The following RGS7 variants were observed in gnomAD, a reference collection of about 807,000 sequenced individuals.
RGS7 encodes the protein regulator of G protein signaling 7, also known as regulator of G-protein signaling 7.
Under a neutral mutation model 81.1 loss-of-function variants are expected in RGS7, and 27 were observed. The ratio of observed to expected loss-of-function variants is 0.33; its 90% CI spans 0.25 to 0.46. The LOEUF (loss-of-function observed/expected upper bound fraction) is 0.46, where lower values mean the gene tolerates loss of function less well. Among genes scored for constraint, RGS7 ranks in the 20% least tolerant of loss-of-function variants. RGS7 has a pLI of 1.00. For synonymous variants in RGS7, 208 were observed against 207.7 expected (o/e 1.00, Z -0.01); for missense variants, 396 against 607.4 (o/e 0.65, Z 3.66).
intron 3 of RGS7, among the ~76,000 whole-genome samples, chr1:241,057,821 C>T (rs940797468): frequency 2.6e-5 from 4 of 152,110 alleles, no homozygotes; most frequent in Non-Finnish European, 5.9e-5. Flanking sequence ...GGGATCACAC[C>T]GCTGCACTCC....
chr1:240,869,979 C>G, intron 7 of RGS7, 76 bp downstream of exon 7: 1 of 1,165,696 alleles, frequency 8.6e-7, no homozygotes, highest in Non-Finnish European at 1.3e-6. Flanking sequence ...GAGTTAACAT[C>G]CTGCCCAGAA....
intron 2 of RGS7, among the ~76,000 whole-genome samples, chr1:241,172,505 A>G (rs2103264686): frequency 6.6e-6 from 1 of 152,282 alleles, no homozygotes; most frequent in South Asian, 2.1e-4. Context: ...CTTTTTTTTA[A>G]ACTCACAGAC....
intron 2 of RGS7, among the ~76,000 whole-genome samples, chr1:241,254,134 G>A (rs1024938244): frequency 1.3e-4 from 20 of 151,158 alleles, no homozygotes; most frequent in South Asian, 8.4e-4. Context: ...CGGGAGGTGG[G>A]GCTTGCAGTG....
intron 6 of RGS7, among the ~76,000 whole-genome samples, chr1:240,872,576 G>A (rs142644403): frequency 6.6e-6 from 1 of 152,334 alleles, no homozygotes; most frequent in East Asian, 1.9e-4. Flanking sequence ...TGACCGGATA[G>A]GCCCAGACCT....
At chr1:241,243,377 G>A (rs932998474) in intron 2 of RGS7, among the ~76,000 whole-genome samples, 4 of 152,192 alleles carry the variant, frequency 2.6e-5, no homozygotes, top group Non-Finnish European at 4.4e-5. Flanking sequence ...AAAGTGATAT[G>A]ATTTGAATTC....
rs181006854 is a variant in RGS7 at position 241,085,391 on chromosome 1, A to G, written c.175+13275T>C. Among the ~76,000 whole-genome samples the G allele has an allele frequency of 8.1e-3, 1,231 of 152,214 alleles. 7 individuals carry two copies. The highest frequency in any genetic ancestry group is 0.024 in the Middle Eastern group (7 of 294). On this transcript the variant is annotated intron_variant, in intron 3 of 18. Transcript: ENST00000440928. ...CAAAACATTGGTTTTAAGCTTGTAC[A>G]TCATGAACTCGGGGACAGCTTCTCT... is the stretch of plus-strand genomic sequence containing the variant.
chr1:240,886,861 T>C (rs1041777231), intron 6 of RGS7, among the ~76,000 whole-genome samples: 10 of 152,224 alleles, frequency 6.6e-5, no homozygotes, highest in Non-Finnish European at 1.3e-4. Flanking sequence ...AAAGACACAT[T>C]CACAGATATT....
intron 3 of RGS7, among the ~76,000 whole-genome samples, chr1:241,016,284 C>T (rs1055202905): frequency 6.6e-6 from 1 of 152,074 alleles, no homozygotes; most frequent in South Asian, 2.1e-4. Context: ...CTTTGGGAGG[C>T]CAAGGTGGTC....
intron 2 of RGS7, among the ~76,000 whole-genome samples, chr1:241,303,205 G>T (rs540931405): frequency 6.7e-6 from 1 of 150,270 alleles, no homozygotes; most frequent in African/African-American, 2.4e-5. Context: ...GGAGGTGATT[G>T]GTCCATGGGG....
intron 6 of RGS7, among the ~76,000 whole-genome samples, chr1:240,870,354 C>A (rs1664263067): frequency 6.7e-6 from 1 of 149,896 alleles, no homozygotes; most frequent in Non-Finnish European, 1.5e-5. Flanking sequence ...TTTTTTTTTT[C>A]AGAGATGGTC....
intron 3 of RGS7, among the ~76,000 whole-genome samples, chr1:241,026,414 C>A (rs1334932094): frequency 6.6e-6 from 1 of 152,044 alleles, no homozygotes; most frequent in Non-Finnish European, 1.5e-5. Context: ...CATGGTGAAA[C>A]CCTGTCTCTA....
chr1:241,258,687 G>T (rs950805043), intron 2 of RGS7, among the ~76,000 whole-genome samples: 4 of 152,132 alleles, frequency 2.6e-5, no homozygotes, highest in Non-Finnish European at 4.4e-5. Context: ...CACCCTTGCA[G>T]GTTCTAATTG....
chr1:240,776,020 T>C lies in RGS7; in HGVS notation c.*200A>G. 1 of 724,806 alleles carries C rather than the reference T, an allele frequency of 1.4e-6. No homozygotes were observed. The highest frequency in any genetic ancestry group is 1.5e-5 in the South Asian group (1 of 68,222). The allele number at this position is 724,806 out of a possible 1,614,324, so 44.9% of individuals were successfully genotyped here. A position where few individuals can be genotyped will look rare whatever the true frequency, so the allele number is the denominator to read the frequency against. ...TTGAGACGGAAGAGTCCATTGGAGA[T>C]GGAATGTACACACAAAAATAACAAT... is the stretch of plus-strand genomic sequence containing the variant. On this transcript the variant is annotated 3_prime_UTR_variant, in exon 19 of 19. Transcript: ENST00000440928.
intron 2 of RGS7, among the ~76,000 whole-genome samples, chr1:241,141,753 C>T (rs2067938167): frequency 6.6e-6 from 1 of 152,176 alleles, no homozygotes; most frequent in Non-Finnish European, 1.5e-5. Flanking sequence ...GGTGGGGATA[C>T]AGACAAACCA....
chr1:240,982,294 C>T (rs754940187), intron 4 of RGS7, among the ~76,000 whole-genome samples: 3 of 151,882 alleles, frequency 2.0e-5, no homozygotes, highest in East Asian at 1.9e-4. Context: ...TGGTGGCACG[C>T]GCCCATAATC....
intron 18 of RGS7, among the ~76,000 whole-genome samples, chr1:240,777,129 T>C (rs1054604338): frequency 4.6e-5 from 7 of 152,132 alleles, no homozygotes; most frequent in Non-Finnish European, 8.8e-5. Flanking sequence ...ACTCCGTCTC[T>C]ACTAAAAGTA....
chr1:241,282,618 G>A (rs1305203621), intron 2 of RGS7, among the ~76,000 whole-genome samples: 1 of 152,166 alleles, frequency 6.6e-6, no homozygotes, highest in African/African-American at 2.4e-5. Context: ...AAAGTGGTAA[G>A]GATAGACATA....
intron 3 of RGS7, among the ~76,000 whole-genome samples, chr1:241,051,896 C>T (rs1225297091): frequency 3.3e-5 from 5 of 152,138 alleles, no homozygotes; most frequent in African/African-American, 1.2e-4. Flanking sequence ...AACACTGAAG[C>T]TTGAAGAGGT....
At chr1:241,018,604 C>T (rs975417136) in intron 3 of RGS7, among the ~76,000 whole-genome samples, 10 of 151,928 alleles carry the variant, frequency 6.6e-5, no homozygotes, top group African/African-American at 4.8e-5. Context: ...AGCTGTAATA[C>T]ATTGTTACTA....
Sources: gnomAD v4.1 joint callset for allele counts (sites outside exome capture counted in the v4.1 genomes callset) on GRCh38, gnomAD v4.1.1 for gene constraint, MANE v1.5 for transcripts, NCBI Gene and HGNC (gene_info 2026-07-23, HGNC 2026-07-21) for gene names.